Variants in RPS7 observed in about 807,000 individuals in gnomAD.
The protein encoded by RPS7 is small ribosomal subunit protein eS7.
A neutral mutation model predicts 22.1 loss-of-function variants in RPS7; 1 was observed. The ratio of observed to expected loss-of-function variants is 0.05; its 90% CI spans 0.02 to 0.21. The LOEUF (loss-of-function observed/expected upper bound fraction) is 0.21. RPS7 is among the 10% of genes least tolerant of loss of function. RPS7 has a pLI of 1.00. For synonymous variants in RPS7, 80 were observed against 92.0 expected, an observed-to-expected ratio of 0.87 and a Z score of 0.74; for missense variants, 137 against 246.4, an observed-to-expected ratio of 0.56 and a Z score of 2.97.
intron 1 of RPS7, 77 bp from the exon 2 acceptor site, chr2:3,575,515 C>T (rs1661254043): frequency 1.0e-6 from 1 of 987,414 alleles, no homozygotes; most frequent in African/African-American, 1.6e-5. Flanking sequence ...CGGGGCCTGG[C>T]CGGGGGGTGC....
At position 3,580,076 on chromosome 2, in the gene RPS7, GC is replaced by G. The variant is rs758292102; in HGVS notation, c.357-33del. Reference sequence around the variant, plus strand: ...TGGAGTTGCCCAGAGGGCAGGCGTTGCTAGGTTGCTTACCTTTTAAACTATT... The same window carrying G: ...TGGAGTTGCCCAGAGGGCAGGCGTTGTAGGTTGCTTACCTTTTAAACTATT... On this transcript the variant is annotated intron_variant, in intron 5 of 6. Coordinates refer to ENST00000645674, the MANE Select transcript of RPS7 (RefSeq NM_001011.4). 25 of 1,612,478 alleles carry G rather than the reference GC, an allele frequency of 1.6e-5. No individual in the cohort carries two copies. In the East Asian group the frequency reaches 5.3e-4, roughly 34 times the overall value.
At chr2:3,578,439 A>G (rs1661333549) in intron 5 of RPS7, 1 of 152,166 alleles carries the variant, frequency 6.6e-6, no homozygotes, top group African/African-American at 2.4e-5. Context: ...TTTAATTTGT[A>G]TTGTTACTCT....
intron 6 of RPS7, 24 bp from the exon 7 acceptor site, chr2:3,580,781 G>T: frequency 7.0e-7 from 1 of 1,429,602 alleles, no homozygotes. Flanking sequence ...AAAGTTCTGT[G>T]ATGAATTCTT....
intron 3 of RPS7, 33 bp downstream of exon 3, chr2:3,575,921 T>A (rs1024515726): frequency 6.7e-7 from 1 of 1,497,696 alleles, no homozygotes; most frequent in Admixed American, 1.8e-5. Context: ...GGGAGGGAGG[T>A]TGCGGCGCGT....
At chr2:3,578,350 AT>A in intron 5 of RPS7, 1 of 153,488 alleles carries the variant, frequency 6.5e-6, no homozygotes, top group East Asian at 1.9e-4. Flanking sequence ...AATGTGAACT[AT>A]TAAATCCCTG....
chr2:3,577,899 C>T lies in RPS7; in HGVS notation c.356+125C>T, dbSNP rs967312345. 1.1e-5 allele frequency: 8 copies of T among 704,328 alleles called. No homozygotes were observed. The Middle Eastern group carries it at 7.5e-4, about 66-fold the overall frequency. The allele number at this position is 704,328 out of a possible 1,614,324, so 43.6% of individuals were successfully genotyped here. A position where few individuals can be genotyped will look rare whatever the true frequency, so the allele number is the denominator to read the frequency against. On this transcript the variant is annotated intron_variant, in intron 5 of 6. Transcript: ENST00000645674. Reference sequence around the variant, plus strand: ...ATTTTTGAGTAGCAGCATTTGGTTTCCTGTATAGTTGCACATGATACGTTT... The same window carrying T: ...ATTTTTGAGTAGCAGCATTTGGTTTTCTGTATAGTTGCACATGATACGTTT...
chr2:3,575,544 G>A, intron 1 of RPS7, 48 bp from the exon 2 acceptor site: 1 of 1,405,190 alleles, frequency 7.1e-7, no homozygotes, highest in Non-Finnish European at 1.0e-6. Flanking sequence ...GGGCGAGCCA[G>A]CGGCGCCTGC....
At chr2:3,577,577 A>C in intron 4 of RPS7, 133 bp from the exon 5 acceptor site, 1 of 692,370 alleles carries the variant, frequency 1.4e-6, no homozygotes, top group Non-Finnish European at 2.6e-6. Flanking sequence ...TTGTTCGTCT[A>C]AGTTGTTTAG....
chr2:3,580,047 C>T, intron 5 of RPS7, 63 bp from the exon 6 acceptor site: 6 of 1,484,402 alleles, frequency 4.0e-6, no homozygotes, highest in East Asian at 2.3e-5. Context: ...AAAGAGGTGC[C>T]CTCTGGAGTT....
intron 3 of RPS7, 104 bp from the exon 4 acceptor site, chr2:3,576,383 G>C: frequency 1.0e-6 from 1 of 963,180 alleles, no homozygotes; most frequent in African/African-American, 1.6e-5. Flanking sequence ...TTAGTTTGTA[G>C]TGCAGCTACG....
rs371620447 is a variant in RPS7 at position 3,575,265 on chromosome 2, G to A, written c.-104G>A. Reference sequence around the variant, plus strand: ...TTCCGGTTTCCGCCCTCCTCCTCGCGCTGTTTCCGCCTCTTGCCTTCGGAC... The same window carrying A: ...TTCCGGTTTCCGCCCTCCTCCTCGCACTGTTTCCGCCTCTTGCCTTCGGAC... On this transcript the variant is annotated 5_prime_UTR_variant, in exon 1 of 7. Coordinates refer to ENST00000645674, the MANE Select transcript of RPS7 (RefSeq NM_001011.4). 7.1e-5 allele frequency: 27 copies of A among 377,842 alleles called. No individual in the cohort carries two copies. The East Asian group carries it at 1.6e-3, about 23-fold the overall frequency. The allele number at this position is 377,842 out of a possible 1,614,324, so 23.4% of individuals were successfully genotyped here.
intron 1 of RPS7, 35 bp from the exon 2 acceptor site, chr2:3,575,557 C>T (rs943876697): frequency 6.0e-5 from 90 of 1,508,256 alleles, no homozygotes; most frequent in Non-Finnish European, 7.7e-5. Flanking sequence ...GCGCCTGCAG[C>T]CCGGGCCGCG....
At chr2:3,579,270 G>T (rs1661349465) in intron 5 of RPS7, 1 of 152,234 alleles carries the variant, frequency 6.6e-6, no homozygotes, top group East Asian at 1.9e-4. Context: ...GGTGATGAGG[G>T]TTTTGGGAAA....
At chr2:3,577,572 C>T (rs148310853) in intron 4 of RPS7, 138 bp from the exon 5 acceptor site, 133 of 677,720 alleles carry the variant, frequency 2.0e-4, no homozygotes, top group Middle Eastern at 1.2e-3. Flanking sequence ...GTCAATTGTT[C>T]GTCTAAGTTG....
At position 3,575,362 on chromosome 2, in the gene RPS7, G is replaced by A. The variant is rs560140711; in HGVS notation, c.-19+12G>A. Reference sequence around the variant, plus strand: ...CGGCGCTCGGCAAGGTAGGTTGGCGGCCTGCTCTCCGACAGAACTTTTCTT... The same window carrying A: ...CGGCGCTCGGCAAGGTAGGTTGGCGACCTGCTCTCCGACAGAACTTTTCTT... On this transcript the variant is annotated intron_variant, in intron 1 of 6. Coordinates refer to ENST00000645674, the MANE Select transcript of RPS7 (RefSeq NM_001011.4). 51 of 548,654 alleles carry A rather than the reference G, an allele frequency of 9.3e-5. No individual in the cohort carries two copies. The highest frequency in any genetic ancestry group is 6.5e-4 in the South Asian group (30 of 46,106). 34.0% of individuals were successfully genotyped at this position (548,654 alleles called of 1,614,324 possible). A position where few individuals can be genotyped will look rare whatever the true frequency, so the allele number is the denominator to read the frequency against.
At chr2:3,577,648 AC>A in intron 4 of RPS7, 61 bp from the exon 5 acceptor site, 1 of 1,245,914 alleles carries the variant, frequency 8.0e-7, no homozygotes, top group Admixed American at 1.7e-5. Context: ...TATGGCAGTT[AC>A]AGCTTTTTGT....
At chr2:3,577,857 CAG>C (rs796957262) in intron 5 of RPS7, 83 bp downstream of exon 5, 13 of 986,700 alleles carry the variant, frequency 1.3e-5, no homozygotes, top group African/African-American at 1.3e-4. Flanking sequence ...TTTATGAAAA[CAG>C]ATGTTCAAGT....
chr2:3,577,044 A>G (rs1048061974), intron 4 of RPS7: 4 of 274,920 alleles, frequency 1.5e-5, no homozygotes, highest in Non-Finnish European at 2.8e-5. Context: ...AAACTAAGAA[A>G]CCTGTTACAG....
At chr2:3,575,920 G>C (rs1262636758) in intron 3 of RPS7, 32 bp downstream of exon 3, 1 of 1,498,718 alleles carries the variant, frequency 6.7e-7, no homozygotes, top group Admixed American at 1.8e-5. Context: ...TGGGAGGGAG[G>C]TTGCGGCGCG....
Sources: gnomAD v4.1 joint callset for allele counts on GRCh38, gnomAD v4.1.1 for gene constraint, MANE v1.5 for transcripts, NCBI Gene and HGNC (gene_info 2026-07-23, HGNC 2026-07-21) for gene names.